Variants in DDX60 observed in about 807,000 individuals in gnomAD.
DDX60 encodes the protein probable ATP-dependent RNA helicase DDX60.
In DDX60, 165 loss-of-function variants were observed where a neutral mutation model predicts 212.8. That is an observed-to-expected ratio of 0.78 (90% CI 0.68 to 0.88). The LOEUF is 0.88. DDX60 is among the 40% of genes least tolerant of loss of function. The pLI, the probability that DDX60 is intolerant of heterozygous loss-of-function variation, is 0.00. For synonymous variants in DDX60, 703 were observed against 685.3 expected, an observed-to-expected ratio of 1.03 and a Z score of -0.40; for missense variants, 1,905 against 2,003.9, an observed-to-expected ratio of 0.95 and a Z score of 0.94.
chr4:168,222,896 CTGTT>C, intron 35 of DDX60, among the ~76,000 whole-genome samples: 1 of 152,064 alleles, frequency 6.6e-6, no homozygotes, highest in African/African-American at 2.4e-5. Context: ...GATTAACAGG[CTGTT>C]TGATATTCAC....
Position 168,284,944 on chromosome 4 carries a change from C to T in DDX60, c.1446-9G>A, listed in dbSNP as rs1456804868. 3 of 1,343,528 alleles carry T rather than the reference C, an allele frequency of 2.2e-6. No homozygotes were observed. The highest frequency in any genetic ancestry group is 1.0e-6 in the Non-Finnish European group (1 of 961,748). 83.2% of individuals were successfully genotyped at this position (1,343,528 alleles called of 1,614,324 possible). A position where few individuals can be genotyped will look rare whatever the true frequency, so the allele number is the denominator to read the frequency against. ...TAACAATAGGATCATCACTGTGAGA[C>T]AAAAAAAGGCATATTTTAAATTGCA... On this transcript the variant is annotated splice_polypyrimidine_tract_variant and intron_variant, in intron 11 of 37. Coordinates refer to ENST00000393743, the MANE Select transcript of DDX60 (RefSeq NM_017631.6).
intron 3 of DDX60, among the ~76,000 whole-genome samples, chr4:168,309,615 CA>C (rs1267364003): frequency 3.3e-5 from 5 of 151,734 alleles, no homozygotes; most frequent in Non-Finnish European, 2.9e-5. Context: ...AAGTATATGA[CA>C]AAGCAAAAGG....
chr4:168,266,465 G>A (rs917775872), intron 22 of DDX60, among the ~76,000 whole-genome samples: 4 of 152,128 alleles, frequency 2.6e-5, no homozygotes, highest in Non-Finnish European at 4.4e-5. Context: ...GGCTGGTGTC[G>A]TATTAGAAAC....
Position 168,283,593 on chromosome 4 carries a change from GTC to G in DDX60, c.1573_1574del (p.Asp525ProfsTer5). 1 of 1,595,626 alleles carries G rather than the reference GTC, an allele frequency of 6.3e-7. No homozygotes were observed. Among genetic ancestry groups the G allele is most frequent in the Non-Finnish European group, 8.5e-7 (1 of 1,172,916 alleles). The stretch of plus-strand genomic sequence containing the variant: ...TTTGCACAGATCTAAGAACACGAGG[GTC>G]TCTAGATTTTTCTGAAAAAGAAAAG... Reference protein sequence around the residue: ...SRCQFDEKSRDPRVLRSVQKY... With the variant: ...SRCQFDEKSRXPRVLRSVQKY... On this transcript the variant is annotated frameshift_variant, in exon 13 of 38. Coordinates refer to ENST00000393743, the MANE Select transcript of DDX60 (RefSeq NM_017631.6). LOFTEE classifies it high-confidence loss of function.
Position 168,267,583 on chromosome 4 carries a change from T to G in DDX60, c.3038A>C (p.His1013Pro). 1.3e-6 allele frequency: 2 copies of G among 1,516,768 alleles called. No homozygotes were observed. Among genetic ancestry groups the G allele is most frequent in the Non-Finnish European group, 1.8e-6 (2 of 1,122,838 alleles). The allele number at this position is 1,516,768 out of a possible 1,614,324, so 94.0% of individuals were successfully genotyped here. A position where few individuals can be genotyped will look rare whatever the true frequency, so the allele number is the denominator to read the frequency against. ...FHPCAALTTD[H>P]IERYGFPPDL... ...AAATATGGCTAAAATATTACCTACA[T>G]GATCTGTTGTTAGTGCAGCACATGG... The change falls in exon 22 of 38, where the codon CAT (histidine) becomes CCT (proline). Residue 1013 changes from histidine to proline, a missense_variant and splice_region_variant. His to Pro is a moderately conservative substitution (Grantham distance 77). Coordinates refer to ENST00000393743, the MANE Select transcript of DDX60 (RefSeq NM_017631.6).
At chr4:168,310,242 T>C (rs1737070492) in intron 3 of DDX60, among the ~76,000 whole-genome samples, 1 of 152,090 alleles carries the variant, frequency 6.6e-6, no homozygotes, top group Admixed American at 6.6e-5. Flanking sequence ...AGCCTTTAGA[T>C]CAGAGTGTCA....
intron 37 of DDX60, among the ~76,000 whole-genome samples, chr4:168,217,460 G>T (rs577599550): frequency 6.6e-6 from 1 of 152,170 alleles, no homozygotes; most frequent in African/African-American, 2.4e-5. Context: ...TTACCTAGAT[G>T]TGTAAAAAGA....
intron 13 of DDX60, among the ~76,000 whole-genome samples, chr4:168,281,453 G>T (rs1735589286): frequency 6.6e-6 from 1 of 152,192 alleles, no homozygotes; most frequent in African/African-American, 2.4e-5. Context: ...CCTTGAGACA[G>T]GAATGTGCCT....
chr4:168,255,580 T>C (rs1055540569), intron 26 of DDX60, 131 bp downstream of exon 26: 3 of 700,930 alleles, frequency 4.3e-6, no homozygotes, highest in Non-Finnish European at 6.6e-6. Context: ...CACCCAAATG[T>C]ACTCAATTTA....
chr4:168,320,842 A>G (rs181096601), upstream of DDX60, among the ~76,000 whole-genome samples: 91 of 152,330 alleles, frequency 6.0e-4, no homozygotes, highest in African/African-American at 2.1e-3. Context: ...TTCGAGGGAT[A>G]AAACAGCTAA....
chr4:168,240,962 T>C (rs951802164), intron 30 of DDX60, among the ~76,000 whole-genome samples: 1 of 152,198 alleles, frequency 6.6e-6, no homozygotes, highest in Non-Finnish European at 1.5e-5. Flanking sequence ...TTCCCGCATG[T>C]CATAGAAGGA....
chr4:168,318,400 G>C (rs191213151), intron 1 of DDX60, among the ~76,000 whole-genome samples: 1 of 152,290 alleles, frequency 6.6e-6, no homozygotes, highest in East Asian at 1.9e-4. Flanking sequence ...CAGGCCTTTC[G>C]CGGTTGTCCC....
intron 22 of DDX60, among the ~76,000 whole-genome samples, chr4:168,266,456 G>A (rs1488907515): frequency 1.3e-5 from 2 of 152,154 alleles, no homozygotes; most frequent in East Asian, 3.8e-4. Flanking sequence ...GCTCATCATG[G>A]CTGGTGTCGT....
At chr4:168,261,936 C>G (rs1447210848) in intron 24 of DDX60, 64 bp downstream of exon 24, 1 of 1,528,286 alleles carries the variant, frequency 6.5e-7, no homozygotes, top group Non-Finnish European at 8.7e-7. Context: ...ATGGTATTAA[C>G]TGAATGATAT....
At chr4:168,225,856 T>C (rs1733235598) in intron 33 of DDX60, among the ~76,000 whole-genome samples, 180 bp from the exon 34 acceptor site, 1 of 152,124 alleles carries the variant, frequency 6.6e-6, no homozygotes, top group African/African-American at 2.4e-5. Flanking sequence ...TCATGTTTTG[T>C]TTCTATTTGC....
chr4:168,268,620 G>C (rs976130796), intron 20 of DDX60, among the ~76,000 whole-genome samples: 2 of 151,908 alleles, frequency 1.3e-5, no homozygotes, highest in Non-Finnish European at 2.9e-5. Flanking sequence ...TTTGGGATGG[G>C]GGAAATTTCC....
At chr4:168,254,205 G>A (rs1432024003) in intron 26 of DDX60, among the ~76,000 whole-genome samples, 1 of 152,194 alleles carries the variant, frequency 6.6e-6, no homozygotes, top group Non-Finnish European at 1.5e-5. Context: ...CTCCGGGTGG[G>A]CATGTCTCCT....
chr4:168,224,662 T>C (rs149706592), intron 34 of DDX60, among the ~76,000 whole-genome samples: 1 of 152,080 alleles, frequency 6.6e-6, no homozygotes, highest in Admixed American at 6.6e-5. Flanking sequence ...TAAATTTAAA[T>C]TATATACTCT....
chr4:168,257,271 T>G (rs561601885), intron 25 of DDX60, among the ~76,000 whole-genome samples: 1 of 151,998 alleles, frequency 6.6e-6, no homozygotes, highest in East Asian at 1.9e-4. Context: ...ATTGCACCAC[T>G]GAACTCCAGC....
Sources: allele counts gnomAD v4.1 joint callset (sites outside exome capture counted in the v4.1 genomes callset), GRCh38; gene constraint gnomAD v4.1.1; transcripts MANE v1.5; gene names NCBI Gene and HGNC (gene_info 2026-07-23, HGNC 2026-07-21).